BTN2A1: variants seen among roughly 807,000 people sequenced by gnomAD.
The protein encoded by BTN2A1 is butyrophilin, subfamily 2, member A1.
A neutral mutation model predicts 34.5 loss-of-function variants in BTN2A1; 41 were observed. That is an observed-to-expected ratio of 1.19 (90% confidence interval 0.93 to 1.54). The LOEUF (loss-of-function observed/expected upper bound fraction) is 1.54. Ranked by LOEUF, BTN2A1 falls within the 40% of genes most tolerant of loss-of-function variation. The pLI is 0.00. For missense variants in BTN2A1, 642 were observed against 662.0 expected (o/e 0.97, Z 0.33); for synonymous variants, 267 against 258.6 (o/e 1.03, Z -0.31).
downstream of BTN2A1, among the ~76,000 whole-genome samples, chr6:26,472,670 T>C (rs939722066): frequency 1.3e-5 from 2 of 152,184 alleles, no homozygotes; most frequent in Non-Finnish European, 2.9e-5. Flanking sequence ...TAAACTGGCA[T>C]GCCCCAGCTC....
chr6:26,471,302 G>T (rs1350733403), downstream of BTN2A1, among the ~76,000 whole-genome samples: 1 of 152,122 alleles, frequency 6.6e-6, no homozygotes, highest in Non-Finnish European at 1.5e-5. Context: ...GCACTCTGGG[G>T]GCTGGGAAAT....
intron 4 of BTN2A1, among the ~76,000 whole-genome samples, chr6:26,464,968 T>C (rs1027296632): frequency 6.6e-5 from 10 of 152,154 alleles, no homozygotes; most frequent in Admixed American, 1.3e-4. Flanking sequence ...TCCTGGTCCT[T>C]CCCATGGTGA....
chr6:26,462,154 A>G (rs547049853), intron 3 of BTN2A1, among the ~76,000 whole-genome samples: 1 of 152,234 alleles, frequency 6.6e-6, no homozygotes, highest in Non-Finnish European at 1.5e-5. Flanking sequence ...ATGGTCACAC[A>G]TGGCTGAAAG....
At chr6:26,474,669 T>G (rs1337897561) in intron 7 of BTN2A1, among the ~76,000 whole-genome samples, 1 of 152,002 alleles carries the variant, frequency 6.6e-6, no homozygotes, top group African/African-American at 2.4e-5. Flanking sequence ...GAGGCTGAGA[T>G]TTGGCTGAAG....
intron 7 of BTN2A1, 100 bp from the exon 8 acceptor site, chr6:26,467,848 G>GA: frequency 6.4e-7 from 1 of 1,560,460 alleles, no homozygotes; most frequent in Non-Finnish European, 8.6e-7. Flanking sequence ...ACTACGTGGG[G>GA]ATCCCTTCAG....
chr6:26,462,648 T>C, intron 3 of BTN2A1: 1 of 365,600 alleles, frequency 2.7e-6, no homozygotes, highest in Non-Finnish European at 5.3e-6. Flanking sequence ...CTGTCAAGTC[T>C]CCTAAAAACC....
intron 3 of BTN2A1, among the ~76,000 whole-genome samples, chr6:26,461,553 C>T (rs781637413): frequency 6.6e-6 from 1 of 152,168 alleles, no homozygotes; most frequent in Non-Finnish European, 1.5e-5. Context: ...GAGGCCAAGG[C>T]GGGTGGGTCA....
At chr6:26,470,890 C>T (rs1191317571), downstream of BTN2A1, among the ~76,000 whole-genome samples, 3 of 152,070 alleles carry the variant, frequency 2.0e-5, no homozygotes, top group Non-Finnish European at 4.4e-5. Flanking sequence ...TGCAGATGGC[C>T]CGTCATGGGA....
chr6:26,463,599 G>A, intron 4 of BTN2A1, 74 bp downstream of exon 4: 1 of 1,522,638 alleles, frequency 6.6e-7, no homozygotes, highest in Non-Finnish European at 9.0e-7. Context: ...CCAGAACGGG[G>A]ATGGGGGCAG....
intron 7 of BTN2A1, chr6:26,467,646 A>G: frequency 2.7e-6 from 4 of 1,454,822 alleles, no homozygotes; most frequent in Non-Finnish European, 2.8e-6. Flanking sequence ...AAGGGAACAC[A>G]TCTTAGAATG....
chr6:26,467,924 C>G, intron 7 of BTN2A1, 24 bp from the exon 8 acceptor site: 1 of 1,603,546 alleles, frequency 6.2e-7, no homozygotes, highest in East Asian at 2.2e-5. Flanking sequence ...GACCCCAGGC[C>G]TAAACCTGAG....
intron 7 of BTN2A1, 173 bp from the exon 8 acceptor site, chr6:26,467,775 G>T (rs1219612115): frequency 1.3e-6 from 2 of 1,571,876 alleles, no homozygotes; most frequent in Non-Finnish European, 8.6e-7. Flanking sequence ...AGACAGAAGT[G>T]CAGCTTCAGT....
chr6:26,458,839 T>A (rs1763082270), intron 2 of BTN2A1, 121 bp downstream of exon 2: 1 of 1,287,996 alleles, frequency 7.8e-7, no homozygotes, highest in African/African-American at 1.5e-5. Context: ...TCTGAACATG[T>A]TCATTGAATT....
downstream of BTN2A1, among the ~76,000 whole-genome samples, chr6:26,471,257 T>G (rs2113870151): frequency 6.6e-6 from 1 of 152,366 alleles, no homozygotes; most frequent in South Asian, 2.1e-4. Flanking sequence ...ATACCAAGAC[T>G]GAGTCGTTTA....
At chr6:26,467,150 G>C (rs1763336877) in intron 7 of BTN2A1, among the ~76,000 whole-genome samples, 1 of 152,188 alleles carries the variant, frequency 6.6e-6, no homozygotes, top group African/African-American at 2.4e-5. Context: ...GACCAATGAA[G>C]AGACCCTTTA....
intron 7 of BTN2A1, among the ~76,000 whole-genome samples, chr6:26,475,584 G>T (rs1052892814): frequency 6.6e-6 from 1 of 152,032 alleles, no homozygotes; most frequent in Admixed American, 6.6e-5. Context: ...CAAGCTAATG[G>T]AGGAACTATT....
intron 7 of BTN2A1, among the ~76,000 whole-genome samples, chr6:26,467,388 T>G (rs924474755): frequency 6.6e-6 from 1 of 152,232 alleles, no homozygotes; most frequent in Non-Finnish European, 1.5e-5. Context: ...CTGGGCTCAC[T>G]GCAACCTCTG....
downstream of BTN2A1, among the ~76,000 whole-genome samples, chr6:26,472,619 G>A (rs921160854): frequency 2.6e-5 from 4 of 152,058 alleles, no homozygotes; most frequent in African/African-American, 7.2e-5. Context: ...TGCAAGCAGG[G>A]GACCTCTGGC....
In BTN2A1 at chr6:26,468,433, T is replaced by C. The variant is rs772709469; in HGVS notation, c.1468T>C (p.Leu490=). Residue 490 remains leucine, a synonymous_variant, in exon 8 of 8, where the codon TTG becomes CTG. Coordinates refer to ENST00000312541, the MANE Select transcript of BTN2A1 (RefSeq NM_007049.5). The part of the protein sequence containing the change: ...FSVPVRPFFR[L]GCEDSPIFIC... ...CGTGCCTGTGAGGCCCTTCTTCAGG[T>C]TGGGGTGTGAGGACAGCCCCATCTT... The C allele has an allele frequency of 1.9e-6, 3 of 1,614,110 alleles. No individual in the cohort carries two copies. The highest frequency in any genetic ancestry group is 2.5e-6 in the Non-Finnish European group (3 of 1,179,990).
Sources: allele counts gnomAD v4.1 joint callset (sites outside exome capture counted in the v4.1 genomes callset), GRCh38; gene constraint gnomAD v4.1.1; transcripts MANE v1.5; gene names NCBI Gene and HGNC (gene_info 2026-07-23, HGNC 2026-07-21).